The following FAM219A variants were observed in gnomAD, a reference collection of about 807,000 sequenced individuals.
FAM219A encodes protein FAM219A.
Under a neutral mutation model 23.4 loss-of-function variants are expected in FAM219A, and 7 were observed. The ratio of observed to expected loss-of-function variants is 0.30; its 90% CI spans 0.17 to 0.56. The LOEUF is 0.56. FAM219A is among the 20% of genes least tolerant of loss of function. The pLI is 0.92. For missense variants in FAM219A, 166 were observed against 246.9 expected (o/e 0.67, Z 2.20); for synonymous variants, 93 against 99.0 (o/e 0.94, Z 0.36).
intron 1 of FAM219A, among the ~76,000 whole-genome samples, chr9:34,424,578 G>A (rs547228947): frequency 3.8e-4 from 58 of 152,228 alleles, no homozygotes; most frequent in Non-Finnish European, 5.9e-4. Context: ...TTGGCCTATC[G>A]TCCCCAGGCT....
intron 1 of FAM219A, among the ~76,000 whole-genome samples, chr9:34,423,555 T>C (rs1822354984): frequency 6.6e-6 from 1 of 152,142 alleles, no homozygotes; most frequent in South Asian, 2.1e-4. Flanking sequence ...CATGAAGGGC[T>C]TTGTAAGATA....
In FAM219A at chr9:34,458,404, A is replaced by T; in HGVS notation, c.-141T>A. 1 of 455,126 alleles carries T rather than the reference A, an allele frequency of 2.2e-6. No individual in the cohort carries two copies. Among genetic ancestry groups the T allele is most frequent in the Non-Finnish European group, 3.4e-6 (1 of 296,966 alleles). 28.2% of individuals were successfully genotyped at this position (455,126 alleles called of 1,614,324 possible). A position where few individuals can be genotyped will look rare whatever the true frequency, so the allele number is the denominator to read the frequency against. ...ACTCGGGCGGGCAGGGGCCGGGCGG[A>T]TGCAGGGGTGGGCGGGGGCGAGAGG... is the stretch of plus-strand genomic sequence containing the variant. On this transcript the variant is annotated 5_prime_UTR_variant, in exon 1 of 6. Transcript: ENST00000651358. The surrounding 1 kb of genome is among the most constrained non-coding windows in gnomAD (Gnocchi z 6.6).
At chr9:34,401,750 A>C in intron 4 of FAM219A, 30 bp from the exon 5 acceptor site, 1 of 1,597,280 alleles carries the variant, frequency 6.3e-7, no homozygotes, top group Non-Finnish European at 8.5e-7. Context: ...AGGGAAAGTG[A>C]TACCAAGAAA....
At chr9:34,456,252 C>T (rs1482173106) in intron 1 of FAM219A, among the ~76,000 whole-genome samples, 4 of 152,178 alleles carry the variant, frequency 2.6e-5, no homozygotes, top group African/African-American at 9.6e-5. Flanking sequence ...TTAAAGGGGT[C>T]TGAAGGCAGT....
chr9:34,430,175 A>G (rs1463948954), intron 1 of FAM219A, among the ~76,000 whole-genome samples: 1 of 152,166 alleles, frequency 6.6e-6, no homozygotes, highest in Non-Finnish European at 1.5e-5. Flanking sequence ...CTGGTCTTGG[A>G]AAGAGAAGAG....
At position 34,458,457 on chromosome 9, in the gene FAM219A, C is replaced by A; in HGVS notation, c.-194G>T. On this transcript the variant is annotated 5_prime_UTR_variant, in exon 1 of 6. Coordinates refer to ENST00000651358, the MANE Select transcript of FAM219A (RefSeq NM_001184940.2). This position sits in a 1 kb window ranked among gnomAD's most constrained non-coding sequence, Gnocchi z 6.6. ...CGCAGACTGGCTGAGGCCGGCGTGA[C>A]TCCGTGGGCTTGCCTAGCACTACCG... The A allele has an allele frequency of 2.7e-6, 1 of 365,616 alleles. No homozygotes were observed. The highest frequency in any genetic ancestry group is 8.0e-4 in the Middle Eastern group (1 of 1,252). The allele number at this position is 365,616 out of a possible 1,614,324, so 22.6% of individuals were successfully genotyped here. A position where few individuals can be genotyped will look rare whatever the true frequency, so the allele number is the denominator to read the frequency against.
chr9:34,416,338 A>AT (rs1822031960), intron 1 of FAM219A, among the ~76,000 whole-genome samples: 2 of 135,058 alleles, frequency 1.5e-5, no homozygotes, highest in Non-Finnish European at 1.6e-5. Flanking sequence ...AAGGAAGCGG[A>AT]GAGAAAAGAA....
chr9:34,401,800 C>T lies in FAM219A; in HGVS notation c.345-80G>A, dbSNP rs1289399263. On this transcript the variant is annotated intron_variant, in intron 4 of 5. Transcript: ENST00000651358. Reference sequence around the variant, plus strand: ...CTCTGCAATCCCACCTCCCATTAGGCAGCATCCTATACCTCCCTTACAGTT... The same window carrying T: ...CTCTGCAATCCCACCTCCCATTAGGTAGCATCCTATACCTCCCTTACAGTT... 8 of 1,457,882 alleles carry T rather than the reference C, an allele frequency of 5.5e-6. No homozygotes were observed. In the East Asian group the frequency reaches 1.9e-4, roughly 34 times the overall value. The allele number at this position is 1,457,882 out of a possible 1,614,324, so 90.3% of individuals were successfully genotyped here.
chr9:34,416,767 C>T (rs1244003431), intron 1 of FAM219A, among the ~76,000 whole-genome samples: 6 of 134,534 alleles, frequency 4.5e-5, no homozygotes, highest in African/African-American at 1.7e-4. Context: ...TTTTTTATTT[C>T]TGTATTTTTA....
Position 34,398,499 on chromosome 9 carries a change from C to A in FAM219A, c.*2465G>T. ...CACCCCTCCCTAGACACAGAAGCTGCCACTGCCAGCTTCCTGCCTCTCTCT... is the reference window on the plus strand; with the variant it reads ...CACCCCTCCCTAGACACAGAAGCTGACACTGCCAGCTTCCTGCCTCTCTCT... On this transcript the variant is annotated 3_prime_UTR_variant, in exon 6 of 6. Transcript: ENST00000651358. 3.3e-6 allele frequency: 3 copies of A among 896,146 alleles called. No homozygotes were observed. Among genetic ancestry groups the A allele is most frequent in the Non-Finnish European group, 5.1e-6 (3 of 590,600 alleles). 55.5% of individuals were successfully genotyped at this position (896,146 alleles called of 1,614,324 possible). A position where few individuals can be genotyped will look rare whatever the true frequency, so the allele number is the denominator to read the frequency against.
intron 1 of FAM219A, among the ~76,000 whole-genome samples, chr9:34,410,313 C>T (rs1221004405): frequency 2.0e-5 from 3 of 151,960 alleles, no homozygotes; most frequent in East Asian, 3.9e-4. Flanking sequence ...TAGGCTGGGA[C>T]CCAAGAGATC....
chr9:34,442,346 A>G (rs570128054), intron 1 of FAM219A, among the ~76,000 whole-genome samples: 1 of 152,248 alleles, frequency 6.6e-6, no homozygotes, highest in Non-Finnish European at 1.5e-5. Flanking sequence ...TTTAACAAAT[A>G]AATTGCAAGA....
intron 1 of FAM219A, among the ~76,000 whole-genome samples, chr9:34,423,545 CATGAAGGGCTTTGTAAG>C (rs1822354745): frequency 6.6e-6 from 1 of 152,126 alleles, no homozygotes; most frequent in South Asian, 2.1e-4. Flanking sequence ...GACTTAAAAT[CATGAAGGGCTTTGTAAG>C]ATATGTTCAG....
intron 2 of FAM219A, among the ~76,000 whole-genome samples, chr9:34,405,074 T>C (rs1381734849): frequency 6.6e-6 from 1 of 152,210 alleles, no homozygotes. Context: ...AGTAATGACC[T>C]ATATTTAATT....
chr9:34,438,585 C>T (rs899130372), intron 1 of FAM219A, among the ~76,000 whole-genome samples: 48 of 152,172 alleles, frequency 3.2e-4, no homozygotes, highest in Non-Finnish European at 7.3e-5. Context: ...TGTAAATACA[C>T]CAATCGGCAC....
chr9:34,430,653 A>AAG (rs1199739105), intron 1 of FAM219A, among the ~76,000 whole-genome samples: 2 of 150,368 alleles, frequency 1.3e-5, no homozygotes, highest in African/African-American at 4.9e-5. Flanking sequence ...AAAAAAAAAA[A>AAG]AAAAGACAAA....
intron 1 of FAM219A, among the ~76,000 whole-genome samples, chr9:34,411,460 C>T (rs756696883): frequency 2.6e-5 from 4 of 151,782 alleles, no homozygotes; most frequent in Non-Finnish European, 4.4e-5. Context: ...GAGGCCAAAG[C>T]GGGTGGATCA....
intron 1 of FAM219A, among the ~76,000 whole-genome samples, chr9:34,433,517 T>C (rs1285270249): frequency 1.3e-5 from 2 of 152,234 alleles, no homozygotes; most frequent in Non-Finnish European, 2.9e-5. Context: ...AAGACTCTTC[T>C]GAGAATTAAA....
At chr9:34,428,744 C>T (rs531518870) in intron 1 of FAM219A, among the ~76,000 whole-genome samples, 223 of 152,314 alleles carry the variant, frequency 1.5e-3, no homozygotes, top group African/African-American at 5.0e-3. Context: ...AGGTCTGTTC[C>T]ACTTGAACAA....
Sources: gnomAD v4.1 joint callset for allele counts (sites outside exome capture counted in the v4.1 genomes callset) on GRCh38, gnomAD v4.1.1 for gene constraint, Gnocchi (gnomAD v3.1) non-coding constraint, MANE v1.5 for transcripts, NCBI Gene and HGNC (gene_info 2026-07-23, HGNC 2026-07-21) for gene names.